The following WAS variants were observed in gnomAD, a reference collection of about 807,000 sequenced individuals.
WAS encodes the protein WASP actin nucleation promoting factor.
In WAS, 1 loss-of-function variant was observed where a neutral mutation model predicts 38.9. The observed-to-expected ratio is 0.03, with a 90% confidence interval of 0.01 to 0.12. The LOEUF is 0.12. WAS is among the 10% of genes least tolerant of loss of function. The probability of loss-of-function intolerance (pLI) is 1.00; values close to 1 mark genes in which losing one functional copy is unlikely to be tolerated. For missense variants in WAS, 311 were observed against 431.2 expected (o/e 0.72, Z 2.47); for synonymous variants, 182 against 173.6 (o/e 1.05, Z -0.38).
In WAS at chrX:48,678,010, T is replaced by A. The variant is rs368697423; in HGVS notation, c.-131+1262T>A. Among the ~76,000 whole-genome samples, 5 of 112,017 alleles carry A rather than the reference T, an allele frequency of 4.5e-5. No homozygotes were observed. The East Asian group carries it at 1.4e-3, about 31-fold the overall frequency. ...TGCCCTCGGGGTGTGTTTTGGGAAT[T>A]CCTCCTTGAGGGTGCTTTGGCATTG... On this transcript the variant is annotated intron_variant, in intron 1 of 8. Transcript: ENST00000450772.
upstream of WAS, among the ~76,000 whole-genome samples, chrX:48,678,826 A>T (rs1483754129): frequency 2.7e-5 from 3 of 111,667 alleles, no homozygotes; most frequent in Non-Finnish European, 3.8e-5. Flanking sequence ...AGTGAAAAAA[A>T]TTTAAATTTT....
chrX:48,679,053 G>A (rs1195516373), upstream of WAS, among the ~76,000 whole-genome samples: 1 of 106,811 alleles, frequency 9.4e-6, no homozygotes, highest in Non-Finnish European at 1.9e-5. Context: ...TTCAAGAGCC[G>A]ACGTCTTGTT....
chrX:48,685,909 C>T (rs782314065), intron 4 of WAS, 37 bp from the exon 5 acceptor site: 3 of 1,211,083 alleles, frequency 2.5e-6, no homozygotes, highest in Admixed American at 2.2e-5. Context: ...GAAAAGTCCC[C>T]TCTCATGGTC....
chrX:48,691,117 G>A lies in WAS; in HGVS notation c.1464G>A (p.Glu488=). ...TCTCTTTCCCTCCAGACGAAGGGGAGGACCAGGCTGGCGATGAAGATGAAG... is the reference window on the plus strand; with the variant it reads ...TCTCTTTCCCTCCAGACGAAGGGGAAGACCAGGCTGGCGATGAAGATGAAG... ...SRAIHSSDEG[E]DQAGDEDEDD... Residue 488 remains glutamate, a synonymous_variant, in exon 12 of 12, where the codon GAG becomes GAA. Transcript: ENST00000376701. The A allele has an allele frequency of 8.3e-7, 1 of 1,210,522 alleles. No homozygotes were observed. Among genetic ancestry groups the A allele is most frequent in the Non-Finnish European group, 1.1e-6 (1 of 895,121 alleles).
In WAS at chrX:48,684,285, G is replaced by T. The variant is rs782526978; in HGVS notation, c.135G>T (p.Thr45=). 1.6e-5 allele frequency: 19 copies of T among 1,209,617 alleles called. No individual in the cohort carries two copies. The highest frequency in any genetic ancestry group is 3.0e-5 in the East Asian group (1 of 33,771). Reference sequence around the variant, plus strand: ...TGACCCCTGCTTTCCTCTCCCAGACGCTGGCCACTGCAGTTGTTCAGCTGT... The same window carrying T: ...TGACCCCTGCTTTCCTCTCCCAGACTCTGGCCACTGCAGTTGTTCAGCTGT... ...LFEMLGRKCL[T]LATAVVQLYL... The change falls in exon 2 of 12, where the codon ACG becomes ACT. Residue 45 remains threonine (T), a splice_region_variant and synonymous_variant. Coordinates refer to ENST00000376701, the MANE Select transcript of WAS (RefSeq NM_000377.3).
chrX:48,688,416 T>A lies in WAS; in HGVS notation c.894T>A (p.Gly298=). The A allele has an allele frequency of 8.3e-7, 1 of 1,210,256 alleles. No individual in the cohort carries two copies. The highest frequency in any genetic ancestry group is 1.1e-6 in the Non-Finnish European group (1 of 895,146). ...TCTACGACTTCATTGAGGACCAGGG[T>A]GGGCTGGAGGCTGTGCGGCAGGAGA... ...KLIYDFIEDQ[G]GLEAVRQEMR... The change falls in exon 9 of 12, where the codon GGT becomes GGA. Residue 298 remains glycine (G), a synonymous_variant. Transcript: ENST00000376701.
At chrX:48,689,191 GT>G (rs1557007395) in intron 10 of WAS, 125 bp downstream of exon 10, 14 of 952,228 alleles carry the variant, frequency 1.5e-5, no homozygotes, top group Non-Finnish European at 2.1e-5. Flanking sequence ...CAGTGATAGG[GT>G]TGAAAGGTTG....
chrX:48,685,558 G>A lies in WAS; in HGVS notation c.285G>A (p.Leu95=), dbSNP rs781799471. ...CTACACCTCTCCAGGCTGGTCGGCT[G>A]CTCTGGGAACAGGAGCTGTACTCAC... ...IRLYGLQAGR[L]LWEQELYSQL... The change falls in exon 3 of 12, where the codon CTG becomes CTA. Residue 95 remains leucine, a synonymous_variant. Transcript: ENST00000376701. 237 of 1,196,804 alleles carry A rather than the reference G, an allele frequency of 2.0e-4. No homozygotes were observed. Among genetic ancestry groups the A allele is most frequent in the Non-Finnish European group, 2.6e-4 (228 of 888,869 alleles).
Position 48,689,382 on chromosome X carries a change from G to A in WAS, c.1401G>A (p.Val467=). ...QPPPQSSEGL[V]GALMHVMQKR... ...CACCTCAGAGCTCAGAGGGACTGGT[G>A]GGGGCCCTGATGCACGTGATGCAGA... Residue 467 remains valine (V), a synonymous_variant, in exon 11 of 12, where the codon GTG becomes GTA. Coordinates refer to ENST00000376701, the MANE Select transcript of WAS (RefSeq NM_000377.3). 8.3e-7 allele frequency: 1 copy of A among 1,210,078 alleles called. No individual in the cohort carries two copies. Among genetic ancestry groups the A allele is most frequent in the Non-Finnish European group, 1.1e-6 (1 of 894,932 alleles).
intron 7 of WAS, 94 bp downstream of exon 7, chrX:48,687,049 G>A: frequency 9.3e-7 from 1 of 1,073,296 alleles, no homozygotes; most frequent in East Asian, 3.3e-5. Context: ...ATGGGCAGAT[G>A]GGCAGATGGC....
At chrX:48,689,491 A>G (rs1171555537) in intron 11 of WAS, 57 bp downstream of exon 11, 12 of 1,008,959 alleles carry the variant, frequency 1.2e-5, no homozygotes, top group Non-Finnish European at 1.7e-5. Context: ...ACTGGCCTCA[A>G]AACAATCCCA....
upstream of WAS, among the ~76,000 whole-genome samples, chrX:48,681,287 C>T (rs1557005735): frequency 8.9e-6 from 1 of 111,950 alleles, no homozygotes; most frequent in Non-Finnish European, 1.9e-5. Context: ...TCTCCTGCCT[C>T]AGCCTCCTGA....
At chrX:48,689,737 G>T in intron 11 of WAS, 1 of 311,049 alleles carries the variant, frequency 3.2e-6, no homozygotes, top group South Asian at 4.0e-5. Flanking sequence ...GCTCATGCCT[G>T]TAATCCAGGA....
rs149932808 is a variant in WAS at position 48,686,099 on chromosome X, C to T, written c.524C>T (p.Pro175Leu). The T allele has an allele frequency of 3.4e-5, 41 of 1,210,801 alleles. No homozygotes were observed. The highest frequency in any genetic ancestry group is 4.1e-5 in the Non-Finnish European group (37 of 895,367). The change falls in exon 6 of 12, where the codon CCA becomes CTA. Residue 175 changes from proline to leucine, a missense_variant. Pro to Leu is a moderately conservative substitution (Grantham distance 98). This residue lies in a region of WAS where 31 missense variants were observed against 20.1 expected (regional missense o/e 1.55). Coordinates refer to ENST00000376701, the MANE Select transcript of WAS (RefSeq NM_000377.3). ...PANEERRGGL[P>L]PLPLHPGGDQ... ...TTCCCAGAGAGAAGAGGAGGGCTCCCACCCCTGCCCCTGCATCCAGGTGGA... is the reference window on the plus strand; with the variant it reads ...TTCCCAGAGAGAAGAGGAGGGCTCCTACCCCTGCCCCTGCATCCAGGTGGA...
At chrX:48,678,360 T>C (rs1569493409) in intron 1 of WAS, among the ~76,000 whole-genome samples, 1 of 111,526 alleles carries the variant, frequency 9.0e-6, no homozygotes, top group Non-Finnish European at 1.9e-5. Context: ...CTAGGTCTCC[T>C]GCATGGATTC....
At position 48,687,637 on chromosome X, in the gene WAS, A is replaced by G. The variant is rs782095743; in HGVS notation, c.735-417A>G. Among the ~76,000 whole-genome samples the G allele has an allele frequency of 2.7e-5, 3 of 110,606 alleles. No individual in the cohort carries two copies. In the South Asian group the frequency reaches 1.2e-3, roughly 43 times the overall value. On this transcript the variant is annotated intron_variant, in intron 7 of 11. Coordinates refer to ENST00000376701, the MANE Select transcript of WAS (RefSeq NM_000377.3). The stretch of plus-strand genomic sequence containing the variant: ...CAGAAGTGTGTGGTTGCATGGGTAG[A>G]AAAATGAGTGGATGGATAGATGGAA...
rs782336329 is a variant in WAS, at chrX:48,689,451, G to A, written c.1453+17G>A. 3.2e-5 allele frequency: 38 copies of A among 1,186,664 alleles called. No individual in the cohort carries two copies. The Admixed American group carries it at 7.3e-4, about 23-fold the overall frequency. The stretch of plus-strand genomic sequence containing the variant: ...ACTCCTCCGGTGAGCTGATCCTGCC[G>A]GGGCCTCAAACCTGGCTCCCAGGGC... On this transcript the variant is annotated intron_variant, in intron 11 of 11. Coordinates refer to ENST00000376701, the MANE Select transcript of WAS (RefSeq NM_000377.3).
chrX:48,686,771 TTCCCCACAGGCC>T lies in WAS; in HGVS notation c.560-9_562del. 1.7e-6 allele frequency: 2 copies of T among 1,210,602 alleles called. No homozygotes were observed. Among genetic ancestry groups the T allele is most frequent in the East Asian group, 5.9e-5 (2 of 33,825 alleles). ...GGGTCAATGAGCCAACCACCCTATT[TTCCCCACAGGCC>T]CTCCAGTGGGTCCGCTCTCCCTGGG... On this transcript the variant is annotated splice_acceptor_variant and splice_polypyrimidine_tract_variant and coding_sequence_variant and intron_variant, in exon 7 of 12. Transcript: ENST00000376701. LOFTEE classifies it high-confidence loss of function.
At chrX:48,684,023 C>T (rs782414304) in intron 1 of WAS, 38 bp downstream of exon 1, 10 of 1,205,420 alleles carry the variant, frequency 8.3e-6, no homozygotes, top group South Asian at 3.5e-5. Context: ...CCGTCCCCAC[C>T]GTTTCTTCCT....
Sources: allele counts gnomAD v4.1 joint callset (sites outside exome capture counted in the v4.1 genomes callset), GRCh38; gene constraint gnomAD v4.1.1; regional missense constraint gnomAD v4.1.1; transcripts MANE v1.5; gene names NCBI Gene and HGNC (gene_info 2026-07-23, HGNC 2026-07-21).